Variants in AUTS2 observed in about 807,000 individuals in gnomAD.
The protein encoded by AUTS2 is autism susceptibility gene 2 protein.
In AUTS2, 17 loss-of-function variants were observed where a neutral mutation model predicts 112.4. The ratio of observed to expected loss-of-function variants is 0.15; its 90% CI spans 0.10 to 0.23. The LOEUF (loss-of-function observed/expected upper bound fraction) is 0.23. Among genes scored for constraint, AUTS2 ranks in the 10% least tolerant of loss-of-function variants. The probability of loss-of-function intolerance (pLI) is 1.00; values close to 1 mark genes in which losing one functional copy is unlikely to be tolerated. For synonymous variants in AUTS2, 751 were observed against 702.7 expected, an observed-to-expected ratio of 1.07 and a Z score of -1.09; for missense variants, 1,510 against 1,701.6, an observed-to-expected ratio of 0.89 and a Z score of 1.98.
At chr7:69,653,134 G>T (rs1795368152) in intron 1 of AUTS2, among the ~76,000 whole-genome samples, 1 of 152,178 alleles carries the variant, frequency 6.6e-6, no homozygotes, top group Admixed American at 6.5e-5. Context: ...CAGTGCTGTT[G>T]TGGAGTGGGG....
intron 6 of AUTS2, among the ~76,000 whole-genome samples, chr7:70,738,479 T>C (rs1787905674): frequency 1.3e-5 from 2 of 151,386 alleles, no homozygotes; most frequent in South Asian, 4.2e-4. Flanking sequence ...GTGTTGTGCC[T>C]GAGGAGCTGG....
chr7:70,430,866 C>T (rs561731165), intron 4 of AUTS2, among the ~76,000 whole-genome samples: 2 of 122,016 alleles, frequency 1.6e-5, no homozygotes, highest in African/African-American at 3.2e-5. Flanking sequence ...GACGGAGTCT[C>T]GCTCTGTCGC....
intron 4 of AUTS2, among the ~76,000 whole-genome samples, chr7:70,366,359 A>G (rs1237521421): frequency 6.6e-6 from 1 of 152,178 alleles, no homozygotes; most frequent in Non-Finnish European, 1.5e-5. Context: ...TTCCTAGAGG[A>G]AGCAATGTTG....
intron 1 of AUTS2, among the ~76,000 whole-genome samples, chr7:69,721,901 A>C (rs1260701240): frequency 1.3e-5 from 2 of 152,188 alleles, no homozygotes; most frequent in Non-Finnish European, 2.9e-5. Flanking sequence ...ATGGGAAAGC[A>C]TGACAAAGGG....
chr7:69,847,413 G>T (rs1792254703), intron 1 of AUTS2, among the ~76,000 whole-genome samples: 1 of 152,156 alleles, frequency 6.6e-6, no homozygotes, highest in South Asian at 2.1e-4. Flanking sequence ...AGATCATGGG[G>T]AAAACTTTGC....
intron 5 of AUTS2, among the ~76,000 whole-genome samples, chr7:70,674,180 G>C (rs1374148322): frequency 6.6e-6 from 1 of 152,198 alleles, no homozygotes; most frequent in East Asian, 1.9e-4. Context: ...CGGTGGGGGA[G>C]GGGGGCCCTG....
chr7:70,365,636 G>A (rs1020183659), intron 4 of AUTS2, among the ~76,000 whole-genome samples: 2 of 152,228 alleles, frequency 1.3e-5, no homozygotes, highest in African/African-American at 4.8e-5. Flanking sequence ...ACATGAGAAA[G>A]TAGACACTAT....
chr7:70,055,254 G>A (rs530365258), intron 2 of AUTS2, among the ~76,000 whole-genome samples: 1 of 152,218 alleles, frequency 6.6e-6, no homozygotes, highest in Non-Finnish European at 1.5e-5. Flanking sequence ...GACAAACATG[G>A]AGAAACCTCA....
chr7:70,387,282 C>A (rs1302985509), intron 4 of AUTS2, among the ~76,000 whole-genome samples: 2 of 152,204 alleles, frequency 1.3e-5, no homozygotes, highest in Admixed American at 6.5e-5. Flanking sequence ...TAGTTCATGG[C>A]ATCAAGCCCA....
intron 1 of AUTS2, among the ~76,000 whole-genome samples, chr7:69,834,796 C>G (rs1056739510): frequency 3.9e-5 from 6 of 152,222 alleles, no homozygotes; most frequent in Admixed American, 3.3e-4. Context: ...CCTGAGAATC[C>G]TATAACATTT....
intron 2 of AUTS2, among the ~76,000 whole-genome samples, chr7:70,070,020 G>C (rs1802680881): frequency 6.6e-6 from 1 of 152,092 alleles, no homozygotes; most frequent in Non-Finnish European, 1.5e-5. Context: ...CTATTTTTGT[G>C]TTCCTTTATT....
intron 4 of AUTS2, among the ~76,000 whole-genome samples, chr7:70,311,463 C>T (rs955309989): frequency 1.8e-4 from 28 of 152,324 alleles, no homozygotes; most frequent in Non-Finnish European, 3.2e-4. Flanking sequence ...GTGTGGCTGA[C>T]GCCAGTAGGG....
At chr7:70,133,872 A>T (rs1409075480) in intron 3 of AUTS2, among the ~76,000 whole-genome samples, 1 of 152,298 alleles carries the variant, frequency 6.6e-6, no homozygotes, top group Middle Eastern at 3.4e-3. Flanking sequence ...TGTCAGAACT[A>T]TGACAGCCTA....
chr7:70,132,934 T>C (rs559580877), intron 3 of AUTS2, among the ~76,000 whole-genome samples: 1 of 152,304 alleles, frequency 6.6e-6, no homozygotes, highest in East Asian at 1.9e-4. Flanking sequence ...GAGACCTAAC[T>C]TGGCTTTTGC....
At chr7:70,722,101 C>T (rs963023337) in intron 6 of AUTS2, among the ~76,000 whole-genome samples, 2 of 151,336 alleles carry the variant, frequency 1.3e-5, no homozygotes, top group Non-Finnish European at 2.9e-5. Context: ...GTTGATACGT[C>T]TCTTTGACCT....
intron 1 of AUTS2, among the ~76,000 whole-genome samples, chr7:69,861,420 GA>G (rs1792978443): frequency 6.6e-6 from 1 of 152,110 alleles, no homozygotes; most frequent in Non-Finnish European, 1.5e-5. Context: ...CTGTCACTGT[GA>G]AAAATGCACA....
chr7:70,067,498 C>T (rs545479372), intron 2 of AUTS2, among the ~76,000 whole-genome samples: 1 of 152,258 alleles, frequency 6.6e-6, no homozygotes, highest in Admixed American at 6.5e-5. Flanking sequence ...ATACTAATAG[C>T]TTTTGATCCA....
intron 2 of AUTS2, among the ~76,000 whole-genome samples, chr7:69,939,465 G>T (rs959408437): frequency 2.0e-5 from 3 of 152,040 alleles, no homozygotes; most frequent in Non-Finnish European, 4.4e-5. Flanking sequence ...CAGGAGCTGG[G>T]GTAGCTTCAG....
intron 5 of AUTS2, among the ~76,000 whole-genome samples, chr7:70,665,196 G>C (rs1251086148): frequency 6.6e-6 from 1 of 152,054 alleles, no homozygotes; most frequent in East Asian, 1.9e-4. Context: ...AAGGCTACAG[G>C]GCACCATTTT....
Sources: allele counts gnomAD v4.1 joint callset (sites outside exome capture counted in the v4.1 genomes callset), GRCh38; gene constraint gnomAD v4.1.1; transcripts MANE v1.5; gene names NCBI Gene and HGNC (gene_info 2026-07-23, HGNC 2026-07-21).